The following ABI3BP variants were observed in gnomAD, a reference collection of about 807,000 sequenced individuals.
ABI3BP encodes target of Nesh-SH3.
ABI3BP carries 216 observed loss-of-function variants against 268.6 expected under a neutral mutation model. That is an observed-to-expected ratio of 0.80 (90% CI 0.72 to 0.90). The LOEUF is 0.90. Among genes scored for constraint, ABI3BP ranks in the 40% least tolerant of loss-of-function variants. The pLI is 0.00. For missense variants in ABI3BP, 2,090 were observed against 2,182.4 expected, an observed-to-expected ratio of 0.96 and a Z score of 0.84; for synonymous variants, 730 against 730.0, an observed-to-expected ratio of 1.00 and a Z score of 0.00.
intron 54 of ABI3BP, among the ~76,000 whole-genome samples, chr3:100,794,530 A>C (rs1166564383): frequency 6.6e-6 from 1 of 151,974 alleles, no homozygotes; most frequent in African/African-American, 2.4e-5. Context: ...ATCACCTAAC[A>C]GTGCACCCAG....
At chr3:100,945,440 T>C (rs2071664892) in intron 1 of ABI3BP, 1 of 206,392 alleles carries the variant, frequency 4.8e-6, no homozygotes, top group African/African-American at 2.4e-5. Flanking sequence ...TCTATCATAA[T>C]CTATATTCAG....
intron 49 of ABI3BP, among the ~76,000 whole-genome samples, 199 bp downstream of exon 49, chr3:100,810,213 G>T (rs2097821956): frequency 6.6e-6 from 1 of 151,986 alleles, no homozygotes; most frequent in South Asian, 2.1e-4. Flanking sequence ...TAGCTGAGAG[G>T]TATTTTTCAA....
Position 100,838,250 on chromosome 3 carries a change from G to T in ABI3BP, c.2043C>A (p.Pro681=), listed in dbSNP as rs1034426672. ...SKPPKQLLPK[P]QTTAEPDMPP... ...GCATGTCTGGTTCTGCTGTGGTTTG[G>T]GGTTTAGGAAGTAATTGTTTTGGTG... The change falls in exon 26 of 68, where the codon CCC becomes CCA. Residue 681 remains proline (P), a synonymous_variant. Coordinates refer to ENST00000471714, the MANE Select transcript of ABI3BP (RefSeq NM_001375547.2). The T allele has an allele frequency of 6.5e-7, 1 of 1,536,460 alleles. No individual in the cohort carries two copies. The highest frequency in any genetic ancestry group is 2.4e-5 in the East Asian group (1 of 40,902).
chr3:100,954,746 G>T (rs1357668699), intron 1 of ABI3BP, among the ~76,000 whole-genome samples: 1 of 152,062 alleles, frequency 6.6e-6, no homozygotes. Flanking sequence ...AGTGCCAATG[G>T]ATTAGTCCAT....
At chr3:100,891,503 C>T (rs1335514412) in intron 4 of ABI3BP, among the ~76,000 whole-genome samples, 1 of 152,184 alleles carries the variant, frequency 6.6e-6, no homozygotes, top group Non-Finnish European at 1.5e-5. Context: ...TACTTACCCC[C>T]TTTTGCAGAT....
intron 2 of ABI3BP, among the ~76,000 whole-genome samples, chr3:100,904,104 T>C (rs1339689712): frequency 1.3e-5 from 2 of 152,200 alleles, no homozygotes; most frequent in African/African-American, 2.4e-5. Context: ...GCTTTCTATG[T>C]GCTGGATACT....
At chr3:100,867,623 A>G (rs968565218) in intron 9 of ABI3BP, among the ~76,000 whole-genome samples, 10 of 137,574 alleles carry the variant, frequency 7.3e-5, no homozygotes, top group African/African-American at 2.5e-4. Context: ...CCTGGGTGAC[A>G]GAGCGAGACC....
At chr3:100,764,824 A>G (rs2096188676) in intron 63 of ABI3BP, among the ~76,000 whole-genome samples, 1 of 152,236 alleles carries the variant, frequency 6.6e-6, no homozygotes, top group African/African-American at 2.4e-5. Flanking sequence ...TTTTACTGAC[A>G]TATGCTTATT....
intron 4 of ABI3BP, among the ~76,000 whole-genome samples, chr3:100,890,155 G>C (rs1431355263): frequency 2.0e-5 from 3 of 152,134 alleles, no homozygotes; most frequent in African/African-American, 7.2e-5. Context: ...GTACATGGTT[G>C]ACTGTCTTTT....
intron 65 of ABI3BP, among the ~76,000 whole-genome samples, chr3:100,753,439 T>C (rs757533282): frequency 6.6e-6 from 1 of 151,708 alleles, no homozygotes; most frequent in Non-Finnish European, 1.5e-5. Flanking sequence ...GTGTGCATCA[T>C]CATGCCTAGC....
intron 39 of ABI3BP, among the ~76,000 whole-genome samples, 176 bp downstream of exon 39, chr3:100,820,877 AC>A: frequency 6.6e-6 from 1 of 152,326 alleles, no homozygotes; most frequent in Non-Finnish European, 1.5e-5. Flanking sequence ...TCTTTTAAAA[AC>A]AAAGGGTGAT....
At chr3:100,988,178 A>G (rs775971777) in intron 1 of ABI3BP, among the ~76,000 whole-genome samples, 1 of 152,140 alleles carries the variant, frequency 6.6e-6, no homozygotes, top group Non-Finnish European at 1.5e-5. Context: ...CACCTCTTGG[A>G]GAAGTGGACT....
chr3:100,794,877 C>A (rs1199793333), intron 54 of ABI3BP, 46 bp downstream of exon 54: 1 of 1,418,104 alleles, frequency 7.1e-7, no homozygotes, highest in African/African-American at 1.4e-5. Context: ...AAGGGAAATT[C>A]CTAAAAGGCA....
At chr3:100,869,499 C>T (rs147651548) in intron 9 of ABI3BP, among the ~76,000 whole-genome samples, 35 of 151,726 alleles carry the variant, frequency 2.3e-4, no homozygotes, top group East Asian at 1.7e-3. Flanking sequence ...ACTATAAGCA[C>T]GTGCCACAGC....
intron 1 of ABI3BP, among the ~76,000 whole-genome samples, chr3:100,957,956 G>GA (rs1357343929): frequency 6.6e-6 from 1 of 152,152 alleles, no homozygotes; most frequent in Non-Finnish European, 1.5e-5. Flanking sequence ...AGAGCTGGAG[G>GA]AAAATGGCAA....
chr3:100,933,690 A>G (rs930090570), intron 1 of ABI3BP, among the ~76,000 whole-genome samples: 2 of 151,464 alleles, frequency 1.3e-5, no homozygotes, highest in African/African-American at 4.8e-5. Context: ...AATTCTTTCT[A>G]TTCAATAAAA....
intron 6 of ABI3BP, among the ~76,000 whole-genome samples, chr3:100,878,440 C>A (rs1020778106): frequency 6.6e-6 from 1 of 152,142 alleles, no homozygotes; most frequent in Non-Finnish European, 1.5e-5. Flanking sequence ...TTATTTTAAT[C>A]AACAATCTGT....
chr3:100,976,647 T>C (rs1157361231), intron 1 of ABI3BP, among the ~76,000 whole-genome samples: 1 of 152,168 alleles, frequency 6.6e-6, no homozygotes, highest in Non-Finnish European at 1.5e-5. Flanking sequence ...ACCCTGGAGA[T>C]ACAATTACAT....
chr3:100,840,146 CT>C lies in ABI3BP; in HGVS notation c.1822del (p.Arg608AspfsTer101). The C allele has an allele frequency of 6.5e-7, 1 of 1,532,334 alleles. No homozygotes were observed. The allele number at this position is 1,532,334 out of a possible 1,614,324, so 94.9% of individuals were successfully genotyped here. On this transcript the variant is annotated frameshift_variant, in exon 23 of 68. Transcript: ENST00000471714. LOFTEE classifies it high-confidence loss of function. ...STTLAPRKTK[R>X]PGRRPRPRPR... is the part of the protein sequence containing the mutation. Reference sequence around the variant, plus strand: ...ACGGGGGCGGGGGCGACGACCTGGTCTTTTGGTCTTTCGTGGTGCTGAAGAA... The same window carrying C: ...ACGGGGGCGGGGGCGACGACCTGGTCTTTGGTCTTTCGTGGTGCTGAAGAA...
Sources: gnomAD v4.1 joint callset for allele counts (sites outside exome capture counted in the v4.1 genomes callset) on GRCh38, gnomAD v4.1.1 for gene constraint, MANE v1.5 for transcripts, NCBI Gene and HGNC (gene_info 2026-07-23, HGNC 2026-07-21) for gene names.